CSMD1: variants seen among roughly 807,000 people sequenced by gnomAD.
CSMD1 encodes the protein CUB and sushi domain-containing protein 1.
In CSMD1, 213 loss-of-function variants were observed where a neutral mutation model predicts 417.5. The ratio of observed to expected loss-of-function variants is 0.51; its 90% CI spans 0.46 to 0.57. The LOEUF is 0.57. Among genes scored for constraint, CSMD1 ranks in the 20% least tolerant of loss-of-function variants. The pLI is 0.00. For missense variants in CSMD1, 6,923 were observed against 4,529.7 expected (o/e 1.53, Z -15.17); for synonymous variants, 2,862 against 1,736.8 (o/e 1.65, Z -16.11).
At chr8:4,399,223 C>G (rs1253968283) in intron 3 of CSMD1, among the ~76,000 whole-genome samples, 1 of 152,142 alleles carries the variant, frequency 6.6e-6, no homozygotes, top group East Asian at 1.9e-4. Context: ...AAATATATGA[C>G]AAACCGTATT....
At chr8:4,756,654 G>A (rs890892516) in intron 1 of CSMD1, among the ~76,000 whole-genome samples, 1 of 152,112 alleles carries the variant, frequency 6.6e-6, no homozygotes, top group Non-Finnish European at 1.5e-5. Flanking sequence ...TCGCCCTGGA[G>A]GATCAGAAAA....
chr8:3,786,612 A>C (rs981372818), intron 5 of CSMD1, among the ~76,000 whole-genome samples: 4 of 152,192 alleles, frequency 2.6e-5, no homozygotes, highest in South Asian at 2.1e-4. Flanking sequence ...CTCTCAGCAA[A>C]GCAGTTGCTT....
chr8:4,068,344 C>G (rs958028837), intron 3 of CSMD1, among the ~76,000 whole-genome samples: 17 of 151,988 alleles, frequency 1.1e-4, no homozygotes, highest in Admixed American at 5.2e-4. Context: ...GAGTGGGGCT[C>G]AAAGCAGAGA....
chr8:4,877,346 A>G (rs1803107427), intron 1 of CSMD1, among the ~76,000 whole-genome samples: 1 of 152,096 alleles, frequency 6.6e-6, no homozygotes, highest in African/African-American at 2.4e-5. Flanking sequence ...AAGATAAATT[A>G]TGTTATTTTA....
chr8:4,344,618 G>T lies in CSMD1; in HGVS notation c.415+75335C>A, dbSNP rs754461853. Among the ~76,000 whole-genome samples, 26 of 151,578 alleles carry T rather than the reference G, an allele frequency of 1.7e-4. 1 individual carries two copies. Among genetic ancestry groups the T allele is most frequent in the Non-Finnish European group, 3.7e-4 (25 of 67,924 alleles). ...TCGCTGGGTTATGAGTTACACTACCGCTATGCTCAAAGGAAGGTTTGTTTA... is the reference window on the plus strand; with the variant it reads ...TCGCTGGGTTATGAGTTACACTACCTCTATGCTCAAAGGAAGGTTTGTTTA... On this transcript the variant is annotated intron_variant, in intron 3 of 69. Transcript: ENST00000635120.
chr8:4,210,363 G>A (rs1006804699), intron 3 of CSMD1, among the ~76,000 whole-genome samples: 3 of 152,206 alleles, frequency 2.0e-5, no homozygotes, highest in Non-Finnish European at 4.4e-5. Context: ...CCAACTTTGA[G>A]ACATTCAAAT....
intron 3 of CSMD1, among the ~76,000 whole-genome samples, chr8:4,353,202 G>T (rs946354370): frequency 6.6e-6 from 1 of 152,160 alleles, no homozygotes; most frequent in Non-Finnish European, 1.5e-5. Context: ...TGTGGAGCCA[G>T]GTGGAGACAA....
At position 3,368,355 on chromosome 8, in the gene CSMD1, G is replaced by C. The variant is rs573062346; in HGVS notation, c.2899+899C>G. ...TAGACTCTTGTTTATTTTATTTTTT[G>C]AGATAGAGTCTCGCTCTATCTCCTA... is the stretch of plus-strand genomic sequence containing the variant. On this transcript the variant is annotated intron_variant, in intron 19 of 69. Coordinates refer to ENST00000635120, the MANE Select transcript of CSMD1 (RefSeq NM_033225.6). Among the ~76,000 whole-genome samples, 9 of 152,108 alleles carry C rather than the reference G, an allele frequency of 5.9e-5. No individual in the cohort carries two copies. The East Asian group carries it at 1.7e-3, about 30-fold the overall frequency.
intron 2 of CSMD1, among the ~76,000 whole-genome samples, chr8:4,428,521 G>A (rs1300076034): frequency 1.3e-5 from 2 of 152,040 alleles, no homozygotes; most frequent in East Asian, 3.9e-4. Flanking sequence ...TGTCAGAGCA[G>A]GTATACACAC....
chr8:4,751,157 G>C (rs149474273), intron 1 of CSMD1, among the ~76,000 whole-genome samples: 1 of 152,184 alleles, frequency 6.6e-6, no homozygotes, highest in African/African-American at 2.4e-5. Context: ...GGCCGAGGTG[G>C]GTGGATCACC....
At chr8:4,200,481 C>A (rs1799582503) in intron 3 of CSMD1, among the ~76,000 whole-genome samples, 1 of 152,090 alleles carries the variant, frequency 6.6e-6, no homozygotes, top group South Asian at 2.1e-4. Context: ...AGTTGAATCT[C>A]AGAGATAATC....
rs572620220 is a variant in CSMD1, at chr8:4,176,021, G to C, written c.416-143922C>G. On this transcript the variant is annotated intron_variant, in intron 3 of 69. Coordinates refer to ENST00000635120, the MANE Select transcript of CSMD1 (RefSeq NM_033225.6). Reference sequence around the variant, plus strand: ...AGGCTAGCCCAGGCTTCTCGCCATAGCCATTTCAGGGTTCCCAAGAAGCAG... The same window carrying C: ...AGGCTAGCCCAGGCTTCTCGCCATACCCATTTCAGGGTTCCCAAGAAGCAG... 2.6e-5 allele frequency among the ~76,000 whole-genome samples: 4 copies of C among 152,222 alleles called. No individual in the cohort carries two copies. The East Asian group carries it at 7.7e-4, about 29-fold the overall frequency.
At chr8:3,311,669 C>G (rs537548616) in intron 23 of CSMD1, among the ~76,000 whole-genome samples, 14 of 152,072 alleles carry the variant, frequency 9.2e-5, no homozygotes, top group Non-Finnish European at 1.9e-4. Context: ...TTCTACTGAA[C>G]GTGTATTACT....
At chr8:3,390,159 A>G (rs1811259987) in intron 17 of CSMD1, among the ~76,000 whole-genome samples, 1 of 152,032 alleles carries the variant, frequency 6.6e-6, no homozygotes, top group Admixed American at 6.6e-5. Context: ...GTTTGAGACC[A>G]GCCTGGCCAA....
At chr8:3,803,388 G>A (rs939131798) in intron 5 of CSMD1, among the ~76,000 whole-genome samples, 27 of 152,172 alleles carry the variant, frequency 1.8e-4, no homozygotes, top group African/African-American at 6.0e-4. Flanking sequence ...CTGAACCCAC[G>A]CTGGAGAGGA....
rs1204992645 is a variant in CSMD1 at position 3,190,100 on chromosome 8, C to G, written c.5210G>C (p.Ser1737Thr). The change falls in exon 34 of 70, where the codon AGT becomes ACT. Residue 1737 changes from serine (S) to threonine (T), a missense_variant. Ser to Thr is a moderately conservative substitution (Grantham distance 58). Transcript: ENST00000635120. ...GGGGACAGAGCTGCATTGGGTGTCA[C>G]TGGTACGAGGAACAGCTAGAAGCAA... The part of the protein sequence containing the change: ...HFVYQAVPRT[S>T]DTQCSSVPEP... 2 of 1,589,434 alleles carry G rather than the reference C, an allele frequency of 1.3e-6. No individual in the cohort carries two copies. The highest frequency in any genetic ancestry group is 1.7e-6 in the Non-Finnish European group (2 of 1,167,936).
At chr8:4,324,682 G>C (rs1055742084) in intron 3 of CSMD1, among the ~76,000 whole-genome samples, 2 of 152,154 alleles carry the variant, frequency 1.3e-5, no homozygotes, top group Non-Finnish European at 2.9e-5. Context: ...GAGGATATAA[G>C]GGCAAAATCC....
At chr8:4,343,673 G>C (rs1480031606) in intron 3 of CSMD1, among the ~76,000 whole-genome samples, 2 of 152,076 alleles carry the variant, frequency 1.3e-5, no homozygotes, top group African/African-American at 2.4e-5. Context: ...TCTGTGTCTG[G>C]TGATCTGACC....
intron 2 of CSMD1, among the ~76,000 whole-genome samples, chr8:4,423,270 A>G (rs754694906): frequency 1.3e-5 from 2 of 152,104 alleles, no homozygotes; most frequent in South Asian, 4.1e-4. Flanking sequence ...AAATAAAATT[A>G]CTACTATTTG....
Sources: allele counts gnomAD v4.1 joint callset (sites outside exome capture counted in the v4.1 genomes callset), GRCh38; gene constraint gnomAD v4.1.1; transcripts MANE v1.5; gene names NCBI Gene and HGNC (gene_info 2026-07-23, HGNC 2026-07-21).